Variants in PHACTR2 observed in about 807,000 individuals in gnomAD.
PHACTR2 encodes chromosome 6 open reading frame 56.
PHACTR2 carries 30 observed loss-of-function variants against 76.0 expected under a neutral mutation model. The observed-to-expected ratio is 0.39, with a 90% CI of 0.30 to 0.54. PHACTR2 has a LOEUF of 0.54. Among genes scored for constraint, PHACTR2 ranks in the 20% least tolerant of loss-of-function variants. The probability of loss-of-function intolerance (pLI) is 0.61; values close to 1 mark genes in which losing one functional copy is unlikely to be tolerated. For missense variants in PHACTR2, 696 were observed against 781.1 expected, an observed-to-expected ratio of 0.89 and a Z score of 1.30; for synonymous variants, 292 against 292.5, an observed-to-expected ratio of 1.00 and a Z score of 0.02.
rs1775195351 is a variant in PHACTR2 at position 143,557,530 on chromosome 6, C to A, written c.217+20323C>A. The stretch of plus-strand genomic sequence containing the variant: ...GAGGTGGCATGGGCAGGGAGGTATA[C>A]CTTCCTGCTAAGATGGCTCACCCTC... On this transcript the variant is annotated intron_variant, in intron 1 of 11. Coordinates refer to the PHACTR2 transcript ENST00000367584. This position sits in a 1 kb window ranked among gnomAD's most constrained non-coding sequence, Gnocchi z 5.5. 6.6e-6 allele frequency: 1 copy of A among 152,142 alleles called. No homozygotes were observed. The highest frequency in any genetic ancestry group is 2.1e-4 in the South Asian group (1 of 4,830). The allele number at this position is 152,142 out of a possible 1,614,324, so 9.4% of individuals were successfully genotyped here.
Position 143,783,353 on chromosome 6 carries a change from C to G in PHACTR2, c.1707+73C>G, listed in dbSNP as rs2128478028. 2.4e-6 allele frequency: 2 copies of G among 817,236 alleles called. No individual in the cohort carries two copies. Among genetic ancestry groups the G allele is most frequent in the Non-Finnish European group, 4.1e-6 (2 of 486,006 alleles). 50.6% of individuals were successfully genotyped at this position (817,236 alleles called of 1,614,324 possible). ...TTTTAAAAAAAAATACTAATCCTCT[C>G]TGTATGTGTAAATCAGATGTTTAGA... On this transcript the variant is annotated intron_variant, in intron 10 of 12. Coordinates refer to ENST00000440869, the MANE Select transcript of PHACTR2 (RefSeq NM_001100164.2). The surrounding 1 kb of genome is among the most constrained non-coding windows in gnomAD (Gnocchi z 5.2).
chr6:143,586,753 G>A (rs565406811), intron 1 of PHACTR2, among the ~76,000 whole-genome samples: 1 of 152,358 alleles, frequency 6.6e-6, no homozygotes, highest in South Asian at 2.1e-4. Context: ...ACTCCCAGGT[G>A]TTGCCATGGT....
chr6:143,668,438 C>T lies in PHACTR2; in HGVS notation c.14-43578C>T, dbSNP rs142472035. Among the ~76,000 whole-genome samples the T allele has an allele frequency of 6.5e-3, 996 of 152,224 alleles. 12 individuals carry two copies. The highest frequency in any genetic ancestry group is 0.021 in the African/African-American group (877 of 41,520). ...CTTTTTCTATTGTTTGGAATAATTT[C>T]ATAAGGAATGGTACCAGCTCCTCTC... On this transcript the variant is annotated intron_variant, in intron 1 of 11. Transcript: ENST00000305766.
chr6:143,808,591 G>T (rs1460733180), intron 12 of PHACTR2, among the ~76,000 whole-genome samples: 2 of 152,024 alleles, frequency 1.3e-5, no homozygotes, highest in Admixed American at 1.3e-4. Flanking sequence ...ATGGGTGTAG[G>T]TTGTATGTAA....
chr6:143,720,726 C>T (rs2128463186), intron 2 of PHACTR2, among the ~76,000 whole-genome samples: 1 of 152,250 alleles, frequency 6.6e-6, no homozygotes, highest in Non-Finnish European at 1.5e-5. Context: ...ATCCTCCCAC[C>T]TCAAGTCCCC....
At position 143,765,276 on chromosome 6, in the gene PHACTR2, C is replaced by CA. The variant is rs746858891; in HGVS notation, c.718dup (p.Thr240AsnfsTer5). 2.2e-5 allele frequency: 36 copies of CA among 1,604,274 alleles called. No individual in the cohort carries two copies. The highest frequency in any genetic ancestry group is 2.8e-5 in the Non-Finnish European group (33 of 1,172,976). On this transcript the variant is annotated frameshift_variant, in exon 6 of 13. Coordinates refer to ENST00000440869, the MANE Select transcript of PHACTR2 (RefSeq NM_001100164.2). LOFTEE classifies it high-confidence loss of function. This position sits in a 1 kb window ranked among gnomAD's most constrained non-coding sequence, Gnocchi z 4.1. ...TCTATTGTAGCTGGCTCCTCTCATT[C>CA]AAAAAAAACAACTGGCTCTAAAGCA...
intron 1 of PHACTR2, among the ~76,000 whole-genome samples, chr6:143,686,157 G>C (rs1777516064): frequency 1.4e-5 from 2 of 147,738 alleles, no homozygotes; most frequent in Non-Finnish European, 3.0e-5. Flanking sequence ...AGTGCACTTA[G>C]ACTACACTTA....
At chr6:143,813,534 C>G (rs1281995738) in intron 12 of PHACTR2, among the ~76,000 whole-genome samples, 3 of 148,420 alleles carry the variant, frequency 2.0e-5, no homozygotes, top group African/African-American at 5.0e-5. Flanking sequence ...GGGAGAATGC[C>G]GTGAACCCGG....
At chr6:143,756,201 C>T (rs562760953) in intron 4 of PHACTR2, among the ~76,000 whole-genome samples, 13 of 152,124 alleles carry the variant, frequency 8.5e-5, no homozygotes, top group Non-Finnish European at 1.9e-4. Flanking sequence ...ACAAATGGCA[C>T]GTGGTGTCCT....
intron 1 of PHACTR2, among the ~76,000 whole-genome samples, chr6:143,620,628 T>C (rs1776136982): frequency 6.6e-6 from 1 of 152,180 alleles, no homozygotes; most frequent in Admixed American, 6.5e-5. Flanking sequence ...GACAGCAGCC[T>C]CATGCACAGC....
At chr6:143,569,702 C>G (rs1046347354) in intron 1 of PHACTR2, among the ~76,000 whole-genome samples, 1 of 152,030 alleles carries the variant, frequency 6.6e-6, no homozygotes, top group African/African-American at 2.4e-5. Flanking sequence ...ATGTATAATT[C>G]TTTTCCACTT....
intron 1 of PHACTR2, among the ~76,000 whole-genome samples, chr6:143,644,372 G>T (rs1776619625): frequency 6.6e-6 from 1 of 151,232 alleles, no homozygotes; most frequent in African/African-American, 2.4e-5. Flanking sequence ...GGAGGCTGAG[G>T]CAGGAGAATG....
Position 143,787,706 on chromosome 6 carries a change from A to T in PHACTR2, c.1708-1067A>T, listed in dbSNP as rs1034040307. Among the ~76,000 whole-genome samples the T allele has an allele frequency of 2.0e-5, 3 of 152,162 alleles. No homozygotes were observed. Among genetic ancestry groups the T allele is most frequent in the Non-Finnish European group, 2.9e-5 (2 of 68,024 alleles). ...GATGGGAGAATCGCTTGAGCCCAAG[A>T]GTTCAAGACCAGCCTGAGCAACATA... On this transcript the variant is annotated intron_variant, in intron 10 of 12. Transcript: ENST00000440869. This position sits in a 1 kb window ranked among gnomAD's most constrained non-coding sequence, Gnocchi z 4.6.
intron 4 of PHACTR2, among the ~76,000 whole-genome samples, chr6:143,756,592 G>C (rs1009199341): frequency 1.8e-3 from 248 of 139,424 alleles, no homozygotes; most frequent in Admixed American, 2.4e-3. Context: ...CCAGCTACTC[G>C]GGAGGCTGAG....
At chr6:143,593,370 C>T (rs867308467) in intron 1 of PHACTR2, among the ~76,000 whole-genome samples, 1 of 152,064 alleles carries the variant, frequency 6.6e-6, no homozygotes. Flanking sequence ...CCAGAGAATA[C>T]TTTCTAGAAA....
Position 143,760,393 on chromosome 6 carries a change from G to T in PHACTR2, c.455-8G>T. On this transcript the variant is annotated splice_polypyrimidine_tract_variant and splice_region_variant and intron_variant, in intron 4 of 12. Transcript: ENST00000440869. The surrounding 1 kb of genome is among the most constrained non-coding windows in gnomAD (Gnocchi z 6.4). ...TCAGTCTGCTTCTGTTCACTTTCTC[G>T]TTTATAGAGAACACTGAAAACCACT... The T allele has an allele frequency of 6.2e-7, 1 of 1,602,262 alleles. No individual in the cohort carries two copies.
rs1405395445 is a variant in PHACTR2, at chr6:143,617,229, T to C, written c.13+8907T>C. Among the ~76,000 whole-genome samples the C allele has an allele frequency of 6.6e-6, 1 of 152,192 alleles. No individual in the cohort carries two copies. The highest frequency in any genetic ancestry group is 2.4e-5 in the African/African-American group (1 of 41,452). ...TCCCATCTTACAACGTCTTCCCAAC[T>C]GGTCTCCAAGCCCTGAATTTTCTCA... On this transcript the variant is annotated intron_variant, in intron 1 of 11. Transcript: ENST00000305766. The surrounding 1 kb of genome is among the most constrained non-coding windows in gnomAD (Gnocchi z 4.8).
intron 3 of PHACTR2, among the ~76,000 whole-genome samples, chr6:143,749,880 T>C (rs1779149408): frequency 1.3e-5 from 2 of 152,228 alleles, no homozygotes; most frequent in South Asian, 4.1e-4. Flanking sequence ...TTGATTAAGC[T>C]CATGCCTCCC....
intron 1 of PHACTR2, among the ~76,000 whole-genome samples, chr6:143,694,401 A>G (rs1467935297): frequency 6.6e-6 from 1 of 152,168 alleles, no homozygotes. Flanking sequence ...AAACCCCCAA[A>G]CTACTTATCA....
Sources: allele counts gnomAD v4.1 joint callset (sites outside exome capture counted in the v4.1 genomes callset), GRCh38; gene constraint gnomAD v4.1.1; non-coding constraint Gnocchi (gnomAD v3.1); transcripts MANE v1.5; gene names NCBI Gene and HGNC (gene_info 2026-07-23, HGNC 2026-07-21).